ROBO1: variants seen among roughly 807,000 people sequenced by gnomAD.
The protein encoded by ROBO1 is roundabout homolog 1.
A neutral mutation model predicts 195.9 loss-of-function variants in ROBO1; 149 were observed. That is an observed-to-expected ratio of 0.76 (90% CI 0.67 to 0.87). ROBO1 has a LOEUF of 0.87. Among genes scored for constraint, ROBO1 ranks in the 40% least tolerant of loss-of-function variants. The pLI is 0.00. For missense variants in ROBO1, 1,933 were observed against 2,068.3 expected (o/e 0.93, Z 1.27); for synonymous variants, 816 against 733.2 (o/e 1.11, Z -1.82).
intron 1 of ROBO1, among the ~76,000 whole-genome samples, chr3:79,699,565 G>A (rs1450035559): frequency 6.6e-6 from 1 of 151,576 alleles, no homozygotes; most frequent in East Asian, 1.9e-4. Context: ...CCTACCAGGG[G>A]TACAATTTTT....
At chr3:78,878,397 C>A (rs900551261) in intron 4 of ROBO1, among the ~76,000 whole-genome samples, 5 of 151,934 alleles carry the variant, frequency 3.3e-5, no homozygotes, top group African/African-American at 1.2e-4. Flanking sequence ...ACCAGCCTGG[C>A]CAACATGGCA....
intron 3 of ROBO1, among the ~76,000 whole-genome samples, chr3:79,118,441 A>G (rs1348683699): frequency 6.6e-6 from 1 of 151,838 alleles, no homozygotes; most frequent in East Asian, 1.9e-4. Flanking sequence ...AAAACTTTAA[A>G]TCTGAATTCT....
intron 4 of ROBO1, among the ~76,000 whole-genome samples, chr3:78,900,162 C>A (rs1197329589): frequency 6.6e-6 from 1 of 152,132 alleles, no homozygotes; most frequent in East Asian, 1.9e-4. Flanking sequence ...AGTTCAGTTA[C>A]ACATAACTGC....
At chr3:79,642,757 G>C (rs896900729) in intron 1 of ROBO1, among the ~76,000 whole-genome samples, 4 of 152,066 alleles carry the variant, frequency 2.6e-5, no homozygotes. Context: ...TACAAAATTG[G>C]CTAAAAGCAG....
chr3:79,032,653 T>C (rs2078316927), intron 3 of ROBO1, among the ~76,000 whole-genome samples: 2 of 152,186 alleles, frequency 1.3e-5, no homozygotes, highest in African/African-American at 4.8e-5. Flanking sequence ...TTTACCACTA[T>C]GCTATTTCCT....
chr3:78,999,642 A>G (rs750625151), intron 3 of ROBO1, among the ~76,000 whole-genome samples: 1 of 152,144 alleles, frequency 6.6e-6, no homozygotes, highest in East Asian at 1.9e-4. Flanking sequence ...AAACCTCTGC[A>G]TCGTGCAATA....
intron 2 of ROBO1, among the ~76,000 whole-genome samples, chr3:79,580,794 G>A (rs1257240396): frequency 1.3e-5 from 2 of 151,986 alleles, no homozygotes; most frequent in Non-Finnish European, 2.9e-5. Context: ...CACTCTCTTG[G>A]GAAGAAGGCC....
At position 78,955,509 on chromosome 3, in the gene ROBO1, T is replaced by C. The variant is rs141666145; in HGVS notation, c.173-16582A>G. On this transcript the variant is annotated intron_variant, in intron 3 of 30. Coordinates refer to ENST00000464233, the MANE Select transcript of ROBO1 (RefSeq NM_002941.4). ...AAATTCCTTAACCATAGGAGGGTTT[T>C]TAAAATTATAATTAAAGTAATATTT... Among the ~76,000 whole-genome samples the C allele has an allele frequency of 2.2e-3, 331 of 152,256 alleles. 1 individual carries two copies. The highest frequency in any genetic ancestry group is 4.1e-3 in the Non-Finnish European group (278 of 67,990).
At chr3:78,879,603 G>A (rs900513175) in intron 4 of ROBO1, among the ~76,000 whole-genome samples, 2 of 151,618 alleles carry the variant, frequency 1.3e-5, no homozygotes, top group African/African-American at 4.9e-5. Flanking sequence ...CGCTTTGCTG[G>A]CTCACATGTT....
At chr3:78,912,429 C>A (rs905149817) in intron 4 of ROBO1, among the ~76,000 whole-genome samples, 1 of 152,078 alleles carries the variant, frequency 6.6e-6, no homozygotes, top group African/African-American at 2.4e-5. Flanking sequence ...CTTCCATACA[C>A]AATACAAGGC....
chr3:79,366,029 C>A (rs931192952), intron 2 of ROBO1, among the ~76,000 whole-genome samples: 1 of 151,938 alleles, frequency 6.6e-6, no homozygotes, highest in Admixed American at 6.6e-5. Context: ...ATGTTTAATT[C>A]TACCTATACA....
intron 1 of ROBO1, among the ~76,000 whole-genome samples, chr3:79,656,024 A>G (rs1226407847): frequency 1.3e-5 from 2 of 152,112 alleles, no homozygotes; most frequent in African/African-American, 4.8e-5. Flanking sequence ...TATTATTTGT[A>G]AAGTCAGCAC....
At chr3:79,128,734 T>A (rs2080264547) in intron 2 of ROBO1, among the ~76,000 whole-genome samples, 1 of 152,308 alleles carries the variant, frequency 6.6e-6, no homozygotes, top group East Asian at 1.9e-4. Flanking sequence ...TACACTCTTG[T>A]GAATTTAGTG....
intron 4 of ROBO1, among the ~76,000 whole-genome samples, chr3:78,876,920 T>C (rs2035885003): frequency 6.6e-6 from 1 of 152,136 alleles, no homozygotes; most frequent in South Asian, 2.1e-4. Flanking sequence ...ATTCAAAGTG[T>C]AATAACATCA....
intron 2 of ROBO1, among the ~76,000 whole-genome samples, chr3:79,432,500 T>C (rs2038717453): frequency 6.6e-6 from 1 of 151,992 alleles, no homozygotes; most frequent in Non-Finnish European, 1.5e-5. Context: ...ATCCTTAGAG[T>C]CCTAATCATG....
chr3:79,187,296 G>T (rs1576789665), intron 2 of ROBO1, among the ~76,000 whole-genome samples: 1 of 151,916 alleles, frequency 6.6e-6, no homozygotes, highest in South Asian at 2.1e-4. Context: ...TACCAAATAG[G>T]AGTTTCTACA....
chr3:79,172,656 T>A (rs1217370973), intron 2 of ROBO1, among the ~76,000 whole-genome samples: 2 of 138,544 alleles, frequency 1.4e-5, no homozygotes, highest in African/African-American at 3.0e-5. Flanking sequence ...TTATTTTCAA[T>A]TTTTTTTTTT....
intron 2 of ROBO1, among the ~76,000 whole-genome samples, chr3:79,476,103 C>A (rs537813119): frequency 1.3e-5 from 2 of 152,128 alleles, no homozygotes; most frequent in East Asian, 3.9e-4. Flanking sequence ...ATAGATAATT[C>A]TCCAAAGAAG....
intron 3 of ROBO1, among the ~76,000 whole-genome samples, chr3:78,960,308 C>A (rs927901001): frequency 6.7e-6 from 1 of 150,078 alleles, no homozygotes; most frequent in African/African-American, 2.4e-5. Flanking sequence ...TGTAATATAG[C>A]AATATACTTT....
Sources: gnomAD v4.1 joint callset for allele counts (sites outside exome capture counted in the v4.1 genomes callset) on GRCh38, gnomAD v4.1.1 for gene constraint, MANE v1.5 for transcripts, NCBI Gene and HGNC (gene_info 2026-07-23, HGNC 2026-07-21) for gene names.